Variants in IL21R observed in about 807,000 individuals in gnomAD.
IL21R encodes interleukin-21 receptor.
Under a neutral mutation model 41.3 loss-of-function variants are expected in IL21R, and 14 were observed. The observed-to-expected ratio is 0.34, with a 90% CI of 0.22 to 0.53. The LOEUF (loss-of-function observed/expected upper bound fraction) is 0.53. Ranked by LOEUF, IL21R falls within the 20% of genes least tolerant of loss-of-function variation. IL21R has a pLI of 0.94. For missense variants in IL21R, 588 were observed against 681.6 expected (o/e 0.86, Z 1.53); for synonymous variants, 286 against 287.6 (o/e 0.99, Z 0.05).
intron 1 of IL21R, chr16:27,403,152 A>G (rs1283200738): frequency 8.6e-7 from 1 of 1,169,038 alleles, no homozygotes; most frequent in Admixed American, 2.2e-5. Context: ...CAGGTCGGGC[A>G]GTCAAGCCAG....
intron 1 of IL21R, among the ~76,000 whole-genome samples, chr16:27,415,695 T>A (rs2086886300): frequency 6.6e-6 from 1 of 152,236 alleles, no homozygotes; most frequent in Non-Finnish European, 1.5e-5. Flanking sequence ...AAATTAGGCA[T>A]CCACCTTAAA....
At chr16:27,412,776 T>C (rs2086841510) in intron 1 of IL21R, among the ~76,000 whole-genome samples, 1 of 152,180 alleles carries the variant, frequency 6.6e-6, no homozygotes, top group Non-Finnish European at 1.5e-5. Context: ...CTTTTTGGAT[T>C]GTCCATTGTT....
At position 27,437,658 on chromosome 16, in the gene IL21R, A is replaced by T. The variant is rs2087297007; in HGVS notation, c.323A>T (p.Glu108Val). 6.2e-7 allele frequency: 1 copy of T among 1,614,104 alleles called. No homozygotes were observed. The highest frequency in any genetic ancestry group is 1.3e-5 in the African/African-American group (1 of 75,048). The part of the protein sequence containing the change: ...ITDQSGNYSQ[E>V]CGSFLLAESI... ...GACCAGTCTGGCAACTACTCCCAGGAGTGTGGCAGCTTTCTCCTGGCTGAG... is the reference window on the plus strand; with the variant it reads ...GACCAGTCTGGCAACTACTCCCAGGTGTGTGGCAGCTTTCTCCTGGCTGAG... The change falls in exon 4 of 9, where the codon GAG becomes GTG. Residue 108 changes from glutamate to valine, a missense_variant. Transcript: ENST00000337929.
intron 1 of IL21R, among the ~76,000 whole-genome samples, chr16:27,407,423 T>C (rs998474108): frequency 6.6e-6 from 1 of 152,110 alleles, no homozygotes; most frequent in East Asian, 1.9e-4. Flanking sequence ...AACACTGAAC[T>C]TGAAACCTGA....
intron 1 of IL21R, among the ~76,000 whole-genome samples, chr16:27,418,230 C>G: frequency 6.6e-6 from 1 of 151,294 alleles, no homozygotes; most frequent in African/African-American, 2.4e-5. Context: ...CCACTGCGCC[C>G]GGCTAATTTT....
intron 4 of IL21R, among the ~76,000 whole-genome samples, chr16:27,441,041 T>G (rs1297399448): frequency 9.4e-6 from 1 of 106,334 alleles, no homozygotes; most frequent in Non-Finnish European, 1.8e-5. Flanking sequence ...ACAGAGATTC[T>G]GTCTCAAAAA....
At chr16:27,404,131 C>A (rs2086703044) in intron 1 of IL21R, among the ~76,000 whole-genome samples, 1 of 152,188 alleles carries the variant, frequency 6.6e-6, no homozygotes, top group Non-Finnish European at 1.5e-5. Context: ...GGACAGGCAA[C>A]CCCCAGAGGA....
Position 27,450,687 on chromosome 16 carries a change from C to T in IL21R, c.*1404C>T. ...GCAACCTCTGTCTCCCGGGTTCAAG[C>T]GATTTCCTGCGTCAGCCCCAGAGTA... On this transcript the variant is annotated 3_prime_UTR_variant, in exon 9 of 9. Transcript: ENST00000337929. 2 of 221,198 alleles carry T rather than the reference C, an allele frequency of 9.0e-6. No individual in the cohort carries two copies. The highest frequency in any genetic ancestry group is 1.8e-5 in the Non-Finnish European group (2 of 110,652). 13.7% of individuals were successfully genotyped at this position (221,198 alleles called of 1,614,324 possible). A position where few individuals can be genotyped will look rare whatever the true frequency, so the allele number is the denominator to read the frequency against.
chr16:27,430,641 C>T (rs764929358), intron 2 of IL21R, among the ~76,000 whole-genome samples: 5 of 152,094 alleles, frequency 3.3e-5, no homozygotes, highest in Non-Finnish European at 7.4e-5. Context: ...CATGGTGAAG[C>T]CCTGTCTCTA....
intron 2 of IL21R, among the ~76,000 whole-genome samples, chr16:27,433,131 C>A (rs1596584833): frequency 6.6e-6 from 1 of 152,204 alleles, no homozygotes; most frequent in Admixed American, 6.5e-5. Context: ...TTCATTAGTC[C>A]AGGGAAAATA....
chr16:27,450,857 CA>C lies in IL21R; in HGVS notation c.*1575del. 4.3e-6 allele frequency: 1 copy of C among 232,986 alleles called. No individual in the cohort carries two copies. The highest frequency in any genetic ancestry group is 6.0e-5 in the East Asian group (1 of 16,558). 14.4% of individuals were successfully genotyped at this position (232,986 alleles called of 1,614,324 possible). A position where few individuals can be genotyped will look rare whatever the true frequency, so the allele number is the denominator to read the frequency against. Reference sequence around the variant, plus strand: ...TGTGCTGGAGGAGCCAGCTCTAGCTCACCCATGCTTTTGCAACAGGGTCGGG... The same window carrying C: ...TGTGCTGGAGGAGCCAGCTCTAGCTCCCCATGCTTTTGCAACAGGGTCGGG... On this transcript the variant is annotated 3_prime_UTR_variant, in exon 9 of 9. Transcript: ENST00000337929.
At position 27,434,348 on chromosome 16, in the gene IL21R, C is replaced by T. The variant is rs745558600; in HGVS notation, c.51C>T (p.Gly17=). ...APLLLLLLQG[G]WGCPDLVCYT... ...CCTCTCTCCCCACTGACCCTCCAGG[C>T]TGGGGCTGCCCCGACCTCGTCTGCT... The change falls in exon 3 of 9, where the codon GGC becomes GGT. Residue 17 remains glycine (G), a splice_region_variant and synonymous_variant. Transcript: ENST00000337929. The T allele has an allele frequency of 6.2e-7, 1 of 1,610,676 alleles. No individual in the cohort carries two copies. Among genetic ancestry groups the T allele is most frequent in the South Asian group, 1.1e-5 (1 of 91,020 alleles).
chr16:27,427,430 C>T (rs1008659515), intron 1 of IL21R: 2 of 624,738 alleles, frequency 3.2e-6, no homozygotes, highest in Non-Finnish European at 4.0e-6. Context: ...GGGTCTCACT[C>T]TTTCATTCAG....
chr16:27,405,276 G>T (rs931814452), intron 1 of IL21R, among the ~76,000 whole-genome samples: 1 of 152,076 alleles, frequency 6.6e-6, no homozygotes, highest in Non-Finnish European at 1.5e-5. Flanking sequence ...CAAGTGATCT[G>T]CCTGTCTCAG....
At chr16:27,444,004 TAG>T (rs1305221420) in intron 5 of IL21R, 1 of 152,020 alleles carries the variant, frequency 6.6e-6, no homozygotes, top group African/African-American at 2.4e-5. Flanking sequence ...TGCCATACTT[TAG>T]AAAGTCCCCA....
At chr16:27,413,367 T>G (rs1303717503) in intron 1 of IL21R, among the ~76,000 whole-genome samples, 1 of 152,090 alleles carries the variant, frequency 6.6e-6, no homozygotes, top group African/African-American at 2.4e-5. Flanking sequence ...TGCTAGCATT[T>G]TGTTGAGGAT....
rs372619803 is a variant in IL21R, at chr16:27,443,125, T to C, written c.507+9T>C. 4.4e-6 allele frequency: 7 copies of C among 1,605,436 alleles called. No homozygotes were observed. The African/African-American group carries it at 9.4e-5, about 22-fold the overall frequency. On this transcript the variant is annotated intron_variant, in intron 5 of 8. Transcript: ENST00000337929. ...GAGACCCCTGGGCTGTGGTGAGGAATGTGGGGATCAGTGCAGCTTTGTGGG... is the reference window on the plus strand; with the variant it reads ...GAGACCCCTGGGCTGTGGTGAGGAACGTGGGGATCAGTGCAGCTTTGTGGG...
At chr16:27,427,048 T>A (rs1161838624) in intron 1 of IL21R, among the ~76,000 whole-genome samples, 1 of 152,128 alleles carries the variant, frequency 6.6e-6, no homozygotes, top group Non-Finnish European at 1.5e-5. Flanking sequence ...CAAAGATGGC[T>A]ACAAGCTCTG....
At chr16:27,425,449 T>C (rs2087060113) in intron 1 of IL21R, among the ~76,000 whole-genome samples, 1 of 152,210 alleles carries the variant, frequency 6.6e-6, no homozygotes, top group Non-Finnish European at 1.5e-5. Flanking sequence ...GATCCCCTAG[T>C]GAAAGCGTAG....
Sources: gnomAD v4.1 joint callset for allele counts (sites outside exome capture counted in the v4.1 genomes callset) on GRCh38, gnomAD v4.1.1 for gene constraint, MANE v1.5 for transcripts, NCBI Gene and HGNC (gene_info 2026-07-23, HGNC 2026-07-21) for gene names.